Variants in SLC26A4 observed in about 807,000 individuals in gnomAD.
SLC26A4 encodes pendrin.
In SLC26A4, 93 loss-of-function variants were observed where a neutral mutation model predicts 90.4. The ratio of observed to expected loss-of-function variants is 1.03; its 90% CI spans 0.87 to 1.22. The LOEUF (loss-of-function observed/expected upper bound fraction) is 1.22, where lower values mean the gene tolerates loss of function less well. SLC26A4 is among the 50% of genes most tolerant of loss of function. SLC26A4 has a pLI of 0.00. For missense variants in SLC26A4, 1,127 were observed against 946.2 expected (o/e 1.19, Z -2.51); for synonymous variants, 393 against 354.6 (o/e 1.11, Z -1.22).
In SLC26A4 at chr7:107,661,726, G is replaced by T. The variant is rs111033205; in HGVS notation, c.85G>T (p.Glu29Ter). The T allele has an allele frequency of 1.9e-6, 3 of 1,557,858 alleles. No individual in the cohort carries two copies. The highest frequency in any genetic ancestry group is 2.7e-5 in the African/African-American group (2 of 73,820). The change falls in exon 2 of 21, where the codon GAG becomes TAG. Residue 29 changes from glutamate (E) to a stop codon, truncating the protein, a stop_gained. Transcript: ENST00000644269. LOFTEE classifies it high-confidence loss of function. The surrounding 1 kb of genome is among the most constrained non-coding windows in gnomAD (Gnocchi z 5.1). ...CATGGTGTCGCGGCCGGTCTACAGC[G>T]AGCTCGCTTTCCAGCAACAGCACGA... is the stretch of plus-strand genomic sequence containing the variant. Reference protein sequence around the residue: ...SYMVSRPVYSELAFQQQHERR... With the variant: ...SYMVSRPVYS
At chr7:107,677,284 TA>T (rs1791050097) in intron 6 of SLC26A4, among the ~76,000 whole-genome samples, 2 of 152,190 alleles carry the variant, frequency 1.3e-5, no homozygotes, top group South Asian at 4.1e-4. Flanking sequence ...CTCCACCCAC[TA>T]CCCATGATGT....
intron 18 of SLC26A4, among the ~76,000 whole-genome samples, chr7:107,708,089 C>A (rs1478399529): frequency 6.6e-6 from 1 of 152,170 alleles, no homozygotes; most frequent in Non-Finnish European, 1.5e-5. Context: ...TAAACCAATC[C>A]TCTGAGAAAA....
chr7:107,686,267 T>TTCCCTCCCTTCCCTCCCTTCCCTC (rs1562830825), intron 8 of SLC26A4, among the ~76,000 whole-genome samples: 10 of 141,946 alleles, frequency 7.0e-5, no homozygotes, highest in African/African-American at 2.1e-4. Flanking sequence ...TTTCTTCCCT[T>TTCCCTCCCTTCCCTCCCTTCCCTC]CCTTCCCTCC....
intron 8 of SLC26A4, among the ~76,000 whole-genome samples, chr7:107,686,512 G>A (rs1584321747): frequency 7.4e-6 from 1 of 135,310 alleles, no homozygotes; most frequent in African/African-American, 2.8e-5. Context: ...TTCTGAAACA[G>A]AACCTCACTC....
At chr7:107,675,890 T>A (rs1791012897) in intron 6 of SLC26A4, among the ~76,000 whole-genome samples, 1 of 152,182 alleles carries the variant, frequency 6.6e-6, no homozygotes, top group Admixed American at 6.5e-5. Context: ...CCCACATTTC[T>A]CTATGCATAC....
chr7:107,701,219 C>A, intron 16 of SLC26A4, 23 bp downstream of exon 16: 4 of 1,436,456 alleles, frequency 2.8e-6, no homozygotes, highest in Non-Finnish European at 3.9e-6. Context: ...CTTTCTTTTC[C>A]CCCTTAAATT....
rs762741081 is a variant in SLC26A4, at chr7:107,698,128, G to A, written c.1614+17G>A. The A allele has an allele frequency of 1.3e-6, 2 of 1,541,414 alleles. No homozygotes were observed. Among genetic ancestry groups the A allele is most frequent in the South Asian group, 2.2e-5 (2 of 89,626 alleles). On this transcript the variant is annotated intron_variant, in intron 14 of 20. Coordinates refer to ENST00000644269, the MANE Select transcript of SLC26A4 (RefSeq NM_000441.2). Reference sequence around the variant, plus strand: ...TACAAAAACGTAAGTACCTTTGTGAGACATTTGCTGGACTTGGGTTTACTA... The same window carrying A: ...TACAAAAACGTAAGTACCTTTGTGAAACATTTGCTGGACTTGGGTTTACTA...
chr7:107,676,597 T>C (rs893858540), intron 6 of SLC26A4, among the ~76,000 whole-genome samples: 5 of 152,168 alleles, frequency 3.3e-5, no homozygotes, highest in African/African-American at 1.2e-4. Context: ...CATGATGTCA[T>C]CCTAGCTTGG....
chr7:107,662,490 CT>C (rs761778157), intron 2 of SLC26A4, among the ~76,000 whole-genome samples: 8 of 151,504 alleles, frequency 5.3e-5, no homozygotes, highest in Non-Finnish European at 1.2e-4. Flanking sequence ...TCGGCCTCAA[CT>C]GTGATCAAAT....
At chr7:107,685,771 C>G (rs3801940) in intron 8 of SLC26A4, among the ~76,000 whole-genome samples, 91,757 of 152,084 alleles carry the variant, frequency 0.6, 27,883 homozygotes, top group East Asian at 0.63. Context: ...TCTCATGCAA[C>G]TGGTCCTTAT....
chr7:107,701,598 G>T (rs1371352777), intron 16 of SLC26A4, among the ~76,000 whole-genome samples: 1 of 152,138 alleles, frequency 6.6e-6, no homozygotes, highest in Non-Finnish European at 1.5e-5. Flanking sequence ...TCTTGGCAAA[G>T]TTCCACAATC....
chr7:107,705,046 C>A (rs1176938232), intron 18 of SLC26A4, among the ~76,000 whole-genome samples: 3 of 152,198 alleles, frequency 2.0e-5, no homozygotes, highest in African/African-American at 7.2e-5. Context: ...TGCTTGGCCC[C>A]TGAGCCACCG....
chr7:107,711,152 GA>G (rs113888005), intron 19 of SLC26A4, among the ~76,000 whole-genome samples: 2,504 of 124,380 alleles, frequency 0.02, 43 homozygotes, highest in African/African-American at 0.059. Context: ...TATAAAAAAG[GA>G]AAAAAAAAAA....
In SLC26A4 at chr7:107,661,928, C is replaced by A. The variant is rs1316108535; in HGVS notation, c.164+123C>A. Reference sequence around the variant, plus strand: ...CGGCGGAGCCCCTGGGCGCCAGCTGCTTCTCCCAGAGGCCCGACTTTCGGT... The same window carrying A: ...CGGCGGAGCCCCTGGGCGCCAGCTGATTCTCCCAGAGGCCCGACTTTCGGT... On this transcript the variant is annotated intron_variant, in intron 2 of 20. Coordinates refer to ENST00000644269, the MANE Select transcript of SLC26A4 (RefSeq NM_000441.2). This position sits in a 1 kb window ranked among gnomAD's most constrained non-coding sequence, Gnocchi z 5.1. The A allele has an allele frequency of 5.3e-6, 6 of 1,133,624 alleles. No homozygotes were observed. The highest frequency in any genetic ancestry group is 4.8e-5 in the South Asian group (3 of 62,330). 70.2% of individuals were successfully genotyped at this position (1,133,624 alleles called of 1,614,324 possible). A position where few individuals can be genotyped will look rare whatever the true frequency, so the allele number is the denominator to read the frequency against.
chr7:107,689,907 A>G (rs1791519695), intron 9 of SLC26A4, among the ~76,000 whole-genome samples: 1 of 152,200 alleles, frequency 6.6e-6, no homozygotes, highest in African/African-American at 2.4e-5. Flanking sequence ...AACTTTAAAA[A>G]TTATCGAGAG....
chr7:107,704,407 T>G lies in SLC26A4; in HGVS notation c.2089+22T>G, dbSNP rs1054452376. The G allele has an allele frequency of 4.7e-6, 5 of 1,058,826 alleles. No individual in the cohort carries two copies. In the African/African-American group the frequency reaches 6.2e-5, roughly 13 times the overall value. The allele number at this position is 1,058,826 out of a possible 1,614,324, so 65.6% of individuals were successfully genotyped here. A position where few individuals can be genotyped will look rare whatever the true frequency, so the allele number is the denominator to read the frequency against. On this transcript the variant is annotated intron_variant, in intron 18 of 20. Coordinates refer to ENST00000644269, the MANE Select transcript of SLC26A4 (RefSeq NM_000441.2). ...CAAGGTAAATACATATATCTACATA[T>G]CTACCTGTAAGACTTTCCCGTAAGC...
At position 107,661,617 on chromosome 7, in the gene SLC26A4, C is replaced by A. The variant is rs564661815; in HGVS notation, c.-3-22C>A. ...CCTCGCTTACCGCGTGTCCTCCCTC[C>A]TCGCTGTCCTCTGGCTCGCAGGTCA... is the stretch of plus-strand genomic sequence containing the variant. On this transcript the variant is annotated intron_variant, in intron 1 of 20. Coordinates refer to ENST00000644269, the MANE Select transcript of SLC26A4 (RefSeq NM_000441.2). The surrounding 1 kb of genome is among the most constrained non-coding windows in gnomAD (Gnocchi z 5.1). 28 of 1,547,912 alleles carry A rather than the reference C, an allele frequency of 1.8e-5. No individual in the cohort carries two copies. The highest frequency in any genetic ancestry group is 2.3e-5 in the Non-Finnish European group (26 of 1,151,754).
At chr7:107,698,936 T>TA (rs1463834380) in intron 14 of SLC26A4, among the ~76,000 whole-genome samples, 2 of 151,952 alleles carry the variant, frequency 1.3e-5, no homozygotes, top group Non-Finnish European at 1.5e-5. Context: ...GAAACAAAGA[T>TA]AAAAAAGCAG....
chr7:107,674,308 T>G lies in SLC26A4; in HGVS notation c.560T>G (p.Leu187Arg). The G allele has an allele frequency of 6.2e-7, 1 of 1,613,988 alleles. No homozygotes were observed. Among genetic ancestry groups the G allele is most frequent in the Non-Finnish European group, 8.5e-7 (1 of 1,179,836 alleles). ...DTAARDTARV[L>R]IASALTLLVG... ...GCAGCTAGAGATACAGCTAGAGTCC[T>G]GATTGCCAGTGCCCTGACTCTGCTG... Residue 187 changes from leucine (L) to arginine (R), a missense_variant, in exon 5 of 21, where the codon CTG becomes CGG. Coordinates refer to ENST00000644269, the MANE Select transcript of SLC26A4 (RefSeq NM_000441.2).
Sources: gnomAD v4.1 joint callset for allele counts (sites outside exome capture counted in the v4.1 genomes callset) on GRCh38, gnomAD v4.1.1 for gene constraint, Gnocchi (gnomAD v3.1) non-coding constraint, MANE v1.5 for transcripts, NCBI Gene and HGNC (gene_info 2026-07-23, HGNC 2026-07-21) for gene names.